DAB1: variants seen among roughly 807,000 people sequenced by gnomAD.
The protein encoded by DAB1 is DAB adaptor protein 1.
Under a neutral mutation model 64.6 loss-of-function variants are expected in DAB1, and 15 were observed. That is an observed-to-expected ratio of 0.23 (90% CI 0.16 to 0.36). The LOEUF is 0.36. Ranked by LOEUF, DAB1 falls within the 10% of genes least tolerant of loss-of-function variation. The probability of loss-of-function intolerance (pLI) is 1.00; values close to 1 mark genes in which losing one functional copy is unlikely to be tolerated. For synonymous variants in DAB1, 235 were observed against 251.9 expected (o/e 0.93, Z 0.64); for missense variants, 596 against 706.7 (o/e 0.84, Z 1.78).
intron 14 of DAB1, among the ~76,000 whole-genome samples, chr1:57,000,128 T>C (rs1023339510): frequency 2.7e-5 from 4 of 150,766 alleles, no homozygotes; most frequent in South Asian, 2.1e-4. Flanking sequence ...ACTGCAAGCT[T>C]GGCCTCCCAG....
intron 5 of DAB1, among the ~76,000 whole-genome samples, chr1:58,145,879 C>T (rs1358809423): frequency 6.6e-6 from 1 of 152,202 alleles, no homozygotes; most frequent in Non-Finnish European, 1.5e-5. Flanking sequence ...CATGGTTCCA[C>T]TTACACATAG....
At chr1:57,111,539 T>A (rs1384379717) in intron 4 of DAB1, among the ~76,000 whole-genome samples, 1 of 152,160 alleles carries the variant, frequency 6.6e-6, no homozygotes. Flanking sequence ...TTCCCTCTAA[T>A]TTTTTCATTC....
At chr1:57,218,028 A>G (rs1317861629) in intron 2 of DAB1, among the ~76,000 whole-genome samples, 2 of 152,224 alleles carry the variant, frequency 1.3e-5, no homozygotes, top group Non-Finnish European at 1.5e-5. Context: ...AGGGAGACCC[A>G]TAATTATGGA....
chr1:57,139,809 T>C (rs1658429462), intron 3 of DAB1, among the ~76,000 whole-genome samples: 1 of 152,156 alleles, frequency 6.6e-6, no homozygotes, highest in African/African-American at 2.4e-5. Context: ...TGGTAGAATA[T>C]GGCTGTAGGT....
At chr1:57,426,933 G>A (rs1283758482), upstream of DAB1, among the ~76,000 whole-genome samples, 2 of 150,608 alleles carry the variant, frequency 1.3e-5, no homozygotes, top group Non-Finnish European at 3.0e-5. Flanking sequence ...GCGCGATCTC[G>A]GCTCACTGCA....
chr1:57,327,133 G>T (rs1676230720), intron 1 of DAB1, among the ~76,000 whole-genome samples: 2 of 151,970 alleles, frequency 1.3e-5, no homozygotes, highest in African/African-American at 4.8e-5. Context: ...AGTGATGGGG[G>T]TCTTACTATG....
rs570607077 is a variant in DAB1 at position 57,978,979 on chromosome 1, T to C, written n.388-94817A>G. ...CATTGCTGGTGGGAGTATAAATTAGTTCAACCATTGTGGAAGACAGTGTGG... is the reference window on the plus strand; with the variant it reads ...CATTGCTGGTGGGAGTATAAATTAGCTCAACCATTGTGGAAGACAGTGTGG... On this transcript the variant is annotated intron_variant and non_coding_transcript_variant, in intron 5 of 20. Transcript: ENST00000485760. Among the ~76,000 whole-genome samples, 221 of 152,264 alleles carry C rather than the reference T, an allele frequency of 1.5e-3. 1 individual carries two copies. The highest frequency in any genetic ancestry group is 2.6e-3 in the Non-Finnish European group (179 of 68,012).
intron 4 of DAB1, among the ~76,000 whole-genome samples, chr1:58,252,083 C>T (rs1458659461): frequency 6.6e-6 from 1 of 152,166 alleles, no homozygotes; most frequent in East Asian, 1.9e-4. Context: ...TATTCTCATA[C>T]AAGTATTGTG....
intron 4 of DAB1, among the ~76,000 whole-genome samples, chr1:57,085,859 G>C (rs1343147260): frequency 2.0e-5 from 3 of 152,170 alleles, no homozygotes; most frequent in East Asian, 1.9e-4. Flanking sequence ...AATAGTAAAG[G>C]CATAGCCAGG....
Position 57,140,702 on chromosome 1 carries a change from G to A in DAB1, c.208-4061C>T, listed in dbSNP as rs559252006. On this transcript the variant is annotated intron_variant, in intron 3 of 14. Coordinates refer to ENST00000371236, the MANE Select transcript of DAB1 (RefSeq NM_001365792.1). ...TCTACTGCACTTCGCACAGTATGCA[G>A]GGAGGGCTCAGTAAATAACAGTTAT... Among the ~76,000 whole-genome samples the A allele has an allele frequency of 1.1e-3, 167 of 152,320 alleles. 1 individual carries two copies. Among genetic ancestry groups the A allele is most frequent in the Non-Finnish European group, 1.8e-3 (121 of 68,032 alleles).
chr1:57,103,002 G>A (rs979598296), intron 4 of DAB1, among the ~76,000 whole-genome samples: 2 of 152,130 alleles, frequency 1.3e-5, no homozygotes, highest in African/African-American at 4.8e-5. Context: ...GAAGGTCATT[G>A]CAATTATGAC....
chr1:58,164,569 G>A (rs545188096), intron 4 of DAB1, among the ~76,000 whole-genome samples: 2 of 152,150 alleles, frequency 1.3e-5, no homozygotes, highest in Non-Finnish European at 2.9e-5. Flanking sequence ...TTTAAAAAAT[G>A]AAATCTGAAC....
intron 5 of DAB1, among the ~76,000 whole-genome samples, chr1:58,064,554 A>G (rs941996878): frequency 6.6e-6 from 1 of 152,160 alleles, no homozygotes; most frequent in East Asian, 1.9e-4. Flanking sequence ...TCAACCCACC[A>G]GCCTTGATTT....
chr1:58,250,380 A>G (rs1225828149), intron 4 of DAB1, among the ~76,000 whole-genome samples: 1 of 152,158 alleles, frequency 6.6e-6, no homozygotes, highest in East Asian at 1.9e-4. Flanking sequence ...GACGCCGCGG[A>G]GCTGGGTATC....
chr1:58,182,345 G>A (rs2100785973), intron 4 of DAB1, among the ~76,000 whole-genome samples: 1 of 151,832 alleles, frequency 6.6e-6, no homozygotes, highest in South Asian at 2.1e-4. Flanking sequence ...TAAATTTGGT[G>A]AGTTTTTGGG....
Position 58,523,704 on chromosome 1 carries a change from C to T in DAB1, n.107+3557G>A, listed in dbSNP as rs541178296. ...CACGAGGTCAGGAGATCGAGACCAT[C>T]CTGGCTAACACGGTGAAACCCCATC... On this transcript the variant is annotated intron_variant and non_coding_transcript_variant, in intron 2 of 20. Coordinates refer to the DAB1 transcript ENST00000485760. 1.3e-3 allele frequency among the ~76,000 whole-genome samples: 193 copies of T among 152,252 alleles called. 2 individuals carry two copies. The highest frequency in any genetic ancestry group is 0.012 in the Admixed American group (189 of 15,284).
intron 5 of DAB1, 65 bp from the exon 6 acceptor site, chr1:57,071,706 G>T: frequency 6.5e-7 from 1 of 1,532,532 alleles, no homozygotes; most frequent in African/African-American, 1.4e-5. Flanking sequence ...ACAAATTTTT[G>T]TTTTTGCGGC....
rs116718005 is a variant in DAB1, at chr1:57,215,565, C to T, written c.68-70136G>A. On this transcript the variant is annotated intron_variant, in intron 2 of 14. Transcript: ENST00000371236. ...TTGGACCGTGAATTTTGTGTTCAAG[C>T]GCTCTTTATAGAAATCTACCAAATC... Among the ~76,000 whole-genome samples the T allele has an allele frequency of 3.8e-3, 583 of 152,260 alleles. 7 individuals are homozygous for T. The highest frequency in any genetic ancestry group is 0.013 in the African/African-American group (559 of 41,550).
intron 7 of DAB1, among the ~76,000 whole-genome samples, chr1:57,514,975 C>T (rs765916836): frequency 1.9e-4 from 29 of 152,100 alleles, no homozygotes; most frequent in South Asian, 8.3e-4. Context: ...CTTTTATTAC[C>T]ATTGTCTAGT....
Sources: gnomAD v4.1 joint callset for allele counts (sites outside exome capture counted in the v4.1 genomes callset) on GRCh38, gnomAD v4.1.1 for gene constraint, MANE v1.5 for transcripts, NCBI Gene and HGNC (gene_info 2026-07-23, HGNC 2026-07-21) for gene names.